VSTM4: variants seen among roughly 807,000 people sequenced by gnomAD.
VSTM4 encodes the protein V-set and transmembrane domain-containing protein 4.
Under a neutral mutation model 36.4 loss-of-function variants are expected in VSTM4, and 20 were observed. The ratio of observed to expected loss-of-function variants is 0.55; its 90% CI spans 0.39 to 0.80. The LOEUF (loss-of-function observed/expected upper bound fraction) is 0.80, where lower values mean the gene tolerates loss of function less well. Ranked by LOEUF, VSTM4 falls within the 30% of genes least tolerant of loss-of-function variation. The pLI, the probability that VSTM4 is intolerant of heterozygous loss-of-function variation, is 0.00. For synonymous variants in VSTM4, 182 were observed against 173.9 expected, an observed-to-expected ratio of 1.05 and a Z score of -0.37; for missense variants, 392 against 404.5, an observed-to-expected ratio of 0.97 and a Z score of 0.26.
chr10:49,067,592 G>A (rs1207319165), intron 4 of VSTM4, among the ~76,000 whole-genome samples: 2 of 152,248 alleles, frequency 1.3e-5, no homozygotes, highest in Non-Finnish European at 2.9e-5. Flanking sequence ...AAGACCATGT[G>A]AAGACACAGG....
chr10:49,036,039 C>T (rs1339680709), intron 7 of VSTM4, among the ~76,000 whole-genome samples: 2 of 152,278 alleles, frequency 1.3e-5, no homozygotes, highest in South Asian at 4.1e-4. Flanking sequence ...AGGGAAAAGA[C>T]AGCCCTGTGT....
rs1199780399 is a variant in VSTM4, at chr10:49,019,432, G to A, written c.*218C>T. ...TTACGCTCAGGGCTCAAACCCAGGC[G>A]CATCTTGTCCCGGGAGATCTGTCAA... On this transcript the variant is annotated 3_prime_UTR_variant, in exon 8 of 8. Transcript: ENST00000332853. 17 of 446,620 alleles carry A rather than the reference G, an allele frequency of 3.8e-5. No homozygotes were observed. The highest frequency in any genetic ancestry group is 1.2e-4 in the African/African-American group (6 of 49,382). 27.7% of individuals were successfully genotyped at this position (446,620 alleles called of 1,614,324 possible). A position where few individuals can be genotyped will look rare whatever the true frequency, so the allele number is the denominator to read the frequency against.
intron 4 of VSTM4, among the ~76,000 whole-genome samples, chr10:49,072,702 T>C (rs1844102705): frequency 6.6e-6 from 1 of 152,182 alleles, no homozygotes; most frequent in Non-Finnish European, 1.5e-5. Context: ...GGGGTATGGC[T>C]ACCTTGCTGG....
rs1564562299 is a variant in VSTM4, at chr10:49,019,408, T to TA, written c.*241dup. ...TGGCTGCTCTCAGGATCAGAATCCTTACGCTCAGGGCTCAAACCCAGGCGC... is the reference window on the plus strand; with the variant it reads ...TGGCTGCTCTCAGGATCAGAATCCTTAACGCTCAGGGCTCAAACCCAGGCGC... On this transcript the variant is annotated 3_prime_UTR_variant, in exon 8 of 8. Coordinates refer to ENST00000332853, the MANE Select transcript of VSTM4 (RefSeq NM_001031746.5). 1 of 356,866 alleles carries TA rather than the reference T, an allele frequency of 2.8e-6. No homozygotes were observed. The highest frequency in any genetic ancestry group is 4.8e-6 in the Non-Finnish European group (1 of 209,922). The allele number at this position is 356,866 out of a possible 1,614,324, so 22.1% of individuals were successfully genotyped here.
rs1346266839 is a variant in VSTM4, at chr10:49,014,919, C to A, written c.*4731G>T. 2.0e-5 allele frequency: 3 copies of A among 152,502 alleles called. No individual in the cohort carries two copies. Among genetic ancestry groups the A allele is most frequent in the African/African-American group, 7.2e-5 (3 of 41,436 alleles). 9.4% of individuals were successfully genotyped at this position (152,502 alleles called of 1,614,324 possible). ...GGCAGCCTCTCCCTGGGACTCTTGC[C>A]CGCTGTCAGGGCTTTGGCTGTGACC... On this transcript the variant is annotated 3_prime_UTR_variant, in exon 8 of 8. Transcript: ENST00000332853.
chr10:49,074,072 T>C (rs1465822198), intron 4 of VSTM4, among the ~76,000 whole-genome samples: 1 of 152,196 alleles, frequency 6.6e-6, no homozygotes, highest in East Asian at 1.9e-4. Flanking sequence ...CCCCTGCATG[T>C]TGAGTCTTCG....
intron 2 of VSTM4, among the ~76,000 whole-genome samples, chr10:49,098,184 A>G (rs1273658651): frequency 2.0e-5 from 3 of 151,986 alleles, no homozygotes; most frequent in Non-Finnish European, 4.4e-5. Flanking sequence ...CAGCCTTGCT[A>G]TGCCCCCACA....
intron 7 of VSTM4, among the ~76,000 whole-genome samples, chr10:49,042,822 A>AG: frequency 6.6e-6 from 1 of 152,248 alleles, no homozygotes; most frequent in South Asian, 2.1e-4. Context: ...TGGATGATTA[A>AG]TAGATATAAA....
At chr10:49,083,577 T>G (rs1344158100) in intron 3 of VSTM4, among the ~76,000 whole-genome samples, 1 of 152,198 alleles carries the variant, frequency 6.6e-6, no homozygotes, top group Non-Finnish European at 1.5e-5. Context: ...GCACTACACA[T>G]AGCGAGAATG....
chr10:49,020,055 T>A (rs1005852312), intron 7 of VSTM4, among the ~76,000 whole-genome samples: 1 of 152,108 alleles, frequency 6.6e-6, no homozygotes, highest in Non-Finnish European at 1.5e-5. Context: ...AAGGCTAAAA[T>A]GAAACTTTAA....
At chr10:49,071,427 G>A (rs370544463) in intron 4 of VSTM4, among the ~76,000 whole-genome samples, 1 of 152,198 alleles carries the variant, frequency 6.6e-6, no homozygotes, top group Admixed American at 6.5e-5. Context: ...CTGGCACTGC[G>A]GGCACAACAA....
chr10:49,019,599 T>C lies in VSTM4; in HGVS notation c.*51A>G. On this transcript the variant is annotated 3_prime_UTR_variant, in exon 8 of 8. Coordinates refer to ENST00000332853, the MANE Select transcript of VSTM4 (RefSeq NM_001031746.5). ...TAAGGGCTTTGTCTCCAAGGCTTCATAAATCACTGGGTGGCAGGTATTAAA... is the reference window on the plus strand; with the variant it reads ...TAAGGGCTTTGTCTCCAAGGCTTCACAAATCACTGGGTGGCAGGTATTAAA... The C allele has an allele frequency of 6.4e-7, 1 of 1,553,764 alleles. No individual in the cohort carries two copies. The highest frequency in any genetic ancestry group is 8.7e-7 in the Non-Finnish European group (1 of 1,146,884).
intron 7 of VSTM4, among the ~76,000 whole-genome samples, chr10:49,027,468 G>A (rs1400229604): frequency 6.6e-6 from 1 of 152,116 alleles, no homozygotes; most frequent in Non-Finnish European, 1.5e-5. Flanking sequence ...TGTTTTAAAT[G>A]ACATGGGGTA....
intron 7 of VSTM4, among the ~76,000 whole-genome samples, chr10:49,028,614 C>T (rs1259935704): frequency 2.0e-5 from 3 of 152,232 alleles, no homozygotes; most frequent in African/African-American, 4.8e-5. Context: ...TTGTAGGTGT[C>T]TTTCCATGAT....
intron 2 of VSTM4, among the ~76,000 whole-genome samples, chr10:49,106,783 C>T (rs1008598529): frequency 1.3e-5 from 2 of 152,250 alleles, no homozygotes; most frequent in African/African-American, 2.4e-5. Context: ...AAACTCCAGC[C>T]GGGCTCCTCA....
At chr10:49,020,938 A>G (rs1426455546) in intron 7 of VSTM4, among the ~76,000 whole-genome samples, 2 of 152,204 alleles carry the variant, frequency 1.3e-5, no homozygotes, top group Non-Finnish European at 2.9e-5. Context: ...TAAAAAGTCT[A>G]TTAATATAAT....
At chr10:49,100,869 A>C (rs1844654007) in intron 2 of VSTM4, among the ~76,000 whole-genome samples, 1 of 152,180 alleles carries the variant, frequency 6.6e-6, no homozygotes, top group Admixed American at 6.5e-5. Context: ...TGAAGTGTAC[A>C]AAGTTTTCAT....
intron 4 of VSTM4, among the ~76,000 whole-genome samples, chr10:49,071,068 G>A (rs915413645): frequency 1.3e-5 from 2 of 152,240 alleles, no homozygotes; most frequent in African/African-American, 2.4e-5. Flanking sequence ...GAGTGCCTGG[G>A]ACAGGGGAGT....
intron 4 of VSTM4, among the ~76,000 whole-genome samples, chr10:49,071,070 C>T (rs563797644): frequency 6.6e-6 from 1 of 152,340 alleles, no homozygotes; most frequent in African/African-American, 2.4e-5. Context: ...GTGCCTGGGA[C>T]AGGGGAGTCA....
Sources: allele counts gnomAD v4.1 joint callset (sites outside exome capture counted in the v4.1 genomes callset), GRCh38; gene constraint gnomAD v4.1.1; transcripts MANE v1.5; gene names NCBI Gene and HGNC (gene_info 2026-07-23, HGNC 2026-07-21).